The following CLASP1 variants were observed in gnomAD, a reference collection of about 807,000 sequenced individuals.
The protein encoded by CLASP1 is CLIP-associating protein 1.
Under a neutral mutation model 192.3 loss-of-function variants are expected in CLASP1, and 38 were observed. That is an observed-to-expected ratio of 0.20 (90% CI 0.15 to 0.26). The LOEUF is 0.26. CLASP1 is among the 10% of genes least tolerant of loss of function. The pLI is 1.00. For synonymous variants in CLASP1, 691 were observed against 712.8 expected (o/e 0.97, Z 0.49); for missense variants, 1,433 against 1,932.5 (o/e 0.74, Z 4.85).
intron 2 of CLASP1, among the ~76,000 whole-genome samples, chr2:121,559,399 A>G (rs1325053860): frequency 1.3e-5 from 2 of 152,220 alleles, no homozygotes; most frequent in East Asian, 1.9e-4. Context: ...ATGAATATTC[A>G]TAACAGTATT....
At chr2:121,474,746 GAGA>G (rs1274804145) in intron 8 of CLASP1, among the ~76,000 whole-genome samples, 1 of 152,058 alleles carries the variant, frequency 6.6e-6, no homozygotes, top group Non-Finnish European at 1.5e-5. Flanking sequence ...AAATAAAAAA[GAGA>G]AGGAGGAAAG....
intron 22 of CLASP1, among the ~76,000 whole-genome samples, chr2:121,421,137 T>C (rs1275999837): frequency 1.3e-5 from 2 of 152,214 alleles, no homozygotes; most frequent in African/African-American, 4.8e-5. Flanking sequence ...GTAAATCTAG[T>C]GGTGACATCC....
At chr2:121,379,635 C>G (rs917077880) in intron 33 of CLASP1, among the ~76,000 whole-genome samples, 6 of 151,892 alleles carry the variant, frequency 4.0e-5, no homozygotes, top group Non-Finnish European at 2.9e-5. Context: ...CAGCATAGCC[C>G]ATGCAAAAGA....
chr2:121,444,160 C>T (rs1311371748), intron 19 of CLASP1, among the ~76,000 whole-genome samples: 1 of 152,102 alleles, frequency 6.6e-6, no homozygotes, highest in Non-Finnish European at 1.5e-5. Context: ...AAGACTAAAA[C>T]AACTATGTCT....
chr2:121,478,843 ACACAC>A (rs1374385226), intron 8 of CLASP1, among the ~76,000 whole-genome samples: 970 of 47,722 alleles, frequency 0.02, 51 homozygotes, highest in African/African-American at 0.1. Flanking sequence ...CACACCACAC[ACACAC>A]CACACACCAC....
At chr2:121,387,345 T>C in intron 31 of CLASP1, 117 bp from the exon 33 acceptor site, 1 of 652,510 alleles carries the variant, frequency 1.5e-6, no homozygotes, top group Non-Finnish European at 2.4e-6. Context: ...CCCAGGATGG[T>C]TTTTTTTTTC....
chr2:121,506,719 A>G (rs900801484), intron 7 of CLASP1, among the ~76,000 whole-genome samples: 8 of 152,222 alleles, frequency 5.3e-5, no homozygotes, highest in African/African-American at 1.4e-4. Context: ...AACACCTTTC[A>G]GAGCACTGAA....
At chr2:121,365,541 A>G (rs1281439833) in intron 35 of CLASP1, among the ~76,000 whole-genome samples, 1 of 152,122 alleles carries the variant, frequency 6.6e-6, no homozygotes, top group Non-Finnish European at 1.5e-5. Context: ...CAATGTCTTC[A>G]CCCTTCCTTG....
Position 121,376,400 on chromosome 2 carries a change from T to C in CLASP1, c.3642+1099A>G, listed in dbSNP as rs78195055. On this transcript the variant is annotated intron_variant, in intron 34 of 39. Coordinates refer to ENST00000263710, the Ensembl canonical transcript of CLASP1. ...AGCAACATGGATGAACTGGAGGACATTAAGTGAAATAAATGAGGTACATTA... is the reference window on the plus strand; with the variant it reads ...AGCAACATGGATGAACTGGAGGACACTAAGTGAAATAAATGAGGTACATTA... 1.3e-4 allele frequency among the ~76,000 whole-genome samples: 19 copies of C among 151,942 alleles called. No homozygotes were observed. In the East Asian group the frequency reaches 3.7e-3, roughly 30 times the overall value.
At chr2:121,471,335 C>T (rs1364156012) in intron 8 of CLASP1, among the ~76,000 whole-genome samples, 1 of 152,032 alleles carries the variant, frequency 6.6e-6, no homozygotes. Context: ...TATGCAAACA[C>T]TTTAATGATG....
chr2:121,465,188 G>A (rs1294180968), intron 9 of CLASP1, among the ~76,000 whole-genome samples: 11 of 152,042 alleles, frequency 7.2e-5, no homozygotes, highest in African/African-American at 2.4e-4. Context: ...GGCAGGAGAA[G>A]GAAATAAAGG....
intron 6 of CLASP1, among the ~76,000 whole-genome samples, chr2:121,517,855 A>G (rs1467623654): frequency 1.1e-5 from 1 of 92,820 alleles, no homozygotes; most frequent in African/African-American, 6.6e-5. Flanking sequence ...AGCAAGACTC[A>G]AGCTTTTTTT....
chr2:121,514,459 A>G (rs916893471), intron 7 of CLASP1, among the ~76,000 whole-genome samples: 1 of 152,126 alleles, frequency 6.6e-6, no homozygotes, highest in Non-Finnish European at 1.5e-5. Context: ...TGTTCTCACC[A>G]TATATTCAAA....
intron 9 of CLASP1, among the ~76,000 whole-genome samples, chr2:121,465,657 T>C (rs537662898): frequency 0.024 from 3,619 of 152,072 alleles, 69 homozygotes; most frequent in Non-Finnish European, 0.031. Flanking sequence ...CTTCACAGAA[T>C]TGGAAAAAAC....
chr2:121,462,660 T>C (rs910673064), intron 9 of CLASP1, 55 bp from the exon 10 acceptor site: 3 of 1,000,784 alleles, frequency 3.0e-6, no homozygotes, highest in Admixed American at 2.1e-5. Flanking sequence ...CTATAACACA[T>C]ACACTGAAGA....
chr2:121,638,833 A>G (rs2071438645), intron 1 of CLASP1, among the ~76,000 whole-genome samples: 1 of 151,892 alleles, frequency 6.6e-6, no homozygotes, highest in African/African-American at 2.4e-5. Flanking sequence ...ACACCCAGCT[A>G]ATTTTTTGTA....
exon 35 of CLASP1, chr2:121,367,660 C>T (rs1311617456): frequency 2.5e-6 from 4 of 1,613,918 alleles, no homozygotes; most frequent in Admixed American, 1.7e-5. Context: ...GTGTTGATGG[C>T]ATCTGAGTAG....
At chr2:121,449,027 G>T (rs749007464) in exon 17 of CLASP1, 2 of 1,613,972 alleles carry the variant, frequency 1.2e-6, no homozygotes, top group Non-Finnish European at 1.7e-6. Flanking sequence ...AGTTCTTCAG[G>T]TGGGACTGCA....
intron 37 of CLASP1, among the ~76,000 whole-genome samples, chr2:121,361,273 A>T (rs1364207545): frequency 6.6e-6 from 1 of 152,218 alleles, no homozygotes; most frequent in East Asian, 1.9e-4. Flanking sequence ...TACAGTGAGC[A>T]CAGGTTGTGC....
Sources: gnomAD v4.1 joint callset for allele counts (sites outside exome capture counted in the v4.1 genomes callset) on GRCh38, gnomAD v4.1.1 for gene constraint, MANE v1.5 for transcripts, NCBI Gene and HGNC (gene_info 2026-07-23, HGNC 2026-07-21) for gene names.